Variants in LHPP observed in about 807,000 individuals in gnomAD.
LHPP encodes hLHPP.
LHPP carries 24 observed loss-of-function variants against 30.3 expected under a neutral mutation model. That is an observed-to-expected ratio of 0.79 (90% CI 0.57 to 1.11). LHPP has a LOEUF of 1.11. Among genes scored for constraint, LHPP ranks in the 50% most tolerant of loss-of-function variants. LHPP has a pLI of 0.00. For synonymous variants in LHPP, 150 were observed against 157.1 expected (o/e 0.95, Z 0.34); for missense variants, 356 against 367.2 (o/e 0.97, Z 0.25).
intron 6 of LHPP, among the ~76,000 whole-genome samples, chr10:124,554,957 C>G (rs1485905783): frequency 6.6e-6 from 1 of 152,236 alleles, no homozygotes; most frequent in East Asian, 1.9e-4. Flanking sequence ...AAACACTGCA[C>G]AGACATAATT....
chr10:124,549,298 C>T lies in LHPP; in HGVS notation c.716+32027C>T, dbSNP rs150969691. Among the ~76,000 whole-genome samples, 7 of 152,158 alleles carry T rather than the reference C, an allele frequency of 4.6e-5. No individual in the cohort carries two copies. The East Asian group carries it at 5.8e-4, about 13-fold the overall frequency. ...AAAAAAATAAATTAGCAGGGCATGA[C>T]GGTGTACACCTGTAGCCCCAGCTAC... is the stretch of plus-strand genomic sequence containing the variant. On this transcript the variant is annotated intron_variant, in intron 6 of 6. Coordinates refer to ENST00000368842, the MANE Select transcript of LHPP (RefSeq NM_022126.4).
chr10:124,526,479 C>G (rs1954740224), intron 6 of LHPP, among the ~76,000 whole-genome samples: 1 of 152,220 alleles, frequency 6.6e-6, no homozygotes, highest in South Asian at 2.1e-4. Flanking sequence ...GACTCCAAGG[C>G]CTGTGCCCCT....
At chr10:124,530,235 C>T (rs1364994098) in intron 6 of LHPP, among the ~76,000 whole-genome samples, 1 of 152,180 alleles carries the variant, frequency 6.6e-6, no homozygotes, top group Non-Finnish European at 1.5e-5. Context: ...ACCCCTCCTG[C>T]GTCCCAGCCT....
chr10:124,598,129 G>A (rs954567779), intron 6 of LHPP, among the ~76,000 whole-genome samples: 5 of 152,204 alleles, frequency 3.3e-5, no homozygotes, highest in Admixed American at 2.6e-4. Context: ...CTACCTCCCC[G>A]GCTGCTGTGA....
At chr10:124,471,226 T>C in intron 1 of LHPP, among the ~76,000 whole-genome samples, 1 of 151,086 alleles carries the variant, frequency 6.6e-6, no homozygotes, top group Non-Finnish European at 1.5e-5. Context: ...CCCATCACTC[T>C]TGAATGCCAC....
rs1033970020 is a variant in LHPP, at chr10:124,544,875, C to T, written c.716+27604C>T. Among the ~76,000 whole-genome samples, 7 of 148,584 alleles carry T rather than the reference C, an allele frequency of 4.7e-5. No homozygotes were observed. In the South Asian group the frequency reaches 6.3e-4, roughly 13 times the overall value. ...ACCATCACGTGGAAGGCGATCACAT[C>T]GAGTGTTCTGGCCACTGTGGCGCGA... On this transcript the variant is annotated intron_variant, in intron 6 of 6. Transcript: ENST00000368842.
At chr10:124,536,141 T>G (rs1955020030) in intron 6 of LHPP, among the ~76,000 whole-genome samples, 1 of 152,174 alleles carries the variant, frequency 6.6e-6, no homozygotes, top group South Asian at 2.1e-4. Context: ...TCCCCGGGCT[T>G]TTCCACCCCT....
chr10:124,511,841 A>G (rs1954307455), intron 5 of LHPP, among the ~76,000 whole-genome samples: 1 of 152,178 alleles, frequency 6.6e-6, no homozygotes, highest in African/African-American at 2.4e-5. Flanking sequence ...AATTCACAGC[A>G]TGGCGTGCCC....
At chr10:124,519,238 G>A (rs112853780) in intron 6 of LHPP, among the ~76,000 whole-genome samples, 5 of 152,170 alleles carry the variant, frequency 3.3e-5, no homozygotes, top group African/African-American at 9.7e-5. Context: ...GTGAGCCACC[G>A]CGCCCGGCCC....
At chr10:124,509,323 T>C (rs1487753818) in intron 5 of LHPP, among the ~76,000 whole-genome samples, 1 of 152,228 alleles carries the variant, frequency 6.6e-6, no homozygotes, top group Non-Finnish European at 1.5e-5. Context: ...CCATTTCCTA[T>C]TGATGGAGAT....
rs1420226896 is a variant in LHPP at position 124,523,773 on chromosome 10, A to T, written c.716+6502A>T. 3.3e-5 allele frequency among the ~76,000 whole-genome samples: 5 copies of T among 152,198 alleles called. No homozygotes were observed. The highest frequency in any genetic ancestry group is 7.2e-5 in the African/African-American group (3 of 41,440). On this transcript the variant is annotated intron_variant, in intron 6 of 6. Transcript: ENST00000368842. The surrounding 1 kb of genome is among the most constrained non-coding windows in gnomAD (Gnocchi z 4.2). The stretch of plus-strand genomic sequence containing the variant: ...CCAGCCCCGGTGGAGAGAAAGGGCC[A>T]GTGCTGGGCTTGGGAGCTCACCCCA...
chr10:124,495,628 G>A (rs764396051), intron 3 of LHPP, among the ~76,000 whole-genome samples: 4 of 152,276 alleles, frequency 2.6e-5, no homozygotes, highest in South Asian at 2.1e-4. Flanking sequence ...GGCAGCTCCC[G>A]AGGAGCTCAG....
rs1397135455 is a variant in LHPP at position 124,590,130 on chromosome 10, A to T, written c.717-23134A>T. 6.6e-6 allele frequency among the ~76,000 whole-genome samples: 1 copy of T among 152,092 alleles called. No homozygotes were observed. The highest frequency in any genetic ancestry group is 1.5e-5 in the Non-Finnish European group (1 of 68,018). On this transcript the variant is annotated intron_variant, in intron 6 of 6. Transcript: ENST00000368842. The surrounding 1 kb of genome is among the most constrained non-coding windows in gnomAD (Gnocchi z 4.3). ...TGTGAACAGCTCATTCGATTCGTTC[A>T]TGTGACGTCCTCCCTCTCCCAATCC... is the stretch of plus-strand genomic sequence containing the variant.
rs1412407265 is a variant in LHPP, at chr10:124,510,590, C to T, written c.625-6590C>T. 1.3e-5 allele frequency among the ~76,000 whole-genome samples: 2 copies of T among 152,228 alleles called. No individual in the cohort carries two copies. The highest frequency in any genetic ancestry group is 2.9e-5 in the Non-Finnish European group (2 of 68,050). On this transcript the variant is annotated intron_variant, in intron 5 of 6. Coordinates refer to ENST00000368842, the MANE Select transcript of LHPP (RefSeq NM_022126.4). The surrounding 1 kb of genome is among the most constrained non-coding windows in gnomAD (Gnocchi z 4.0). Reference sequence around the variant, plus strand: ...CACAAATGTTCCAGCCCAGGAAGAACCAAGTCTGTATTCTGGGAGGGAAAC... The same window carrying T: ...CACAAATGTTCCAGCCCAGGAAGAATCAAGTCTGTATTCTGGGAGGGAAAC...
At position 124,528,382 on chromosome 10, in the gene LHPP, G is replaced by A. The variant is rs544039151; in HGVS notation, c.716+11111G>A. ...TTATTATTTTATTTTTTTTTGAAAC[G>A]GAGTCTTGCTCTGTTGCCCAGGCTG... On this transcript the variant is annotated intron_variant, in intron 6 of 6. Coordinates refer to ENST00000368842, the MANE Select transcript of LHPP (RefSeq NM_022126.4). 9.2e-4 allele frequency among the ~76,000 whole-genome samples: 140 copies of A among 151,442 alleles called. 1 individual carries two copies. The highest frequency in any genetic ancestry group is 3.2e-3 in the African/African-American group (130 of 41,264).
chr10:124,529,837 G>A (rs894975925), intron 6 of LHPP, among the ~76,000 whole-genome samples: 1 of 151,154 alleles, frequency 6.6e-6, no homozygotes, highest in Non-Finnish European at 1.5e-5. Context: ...ACACACATGC[G>A]CACATGCACC....
chr10:124,480,251 G>C (rs757441351), intron 1 of LHPP, among the ~76,000 whole-genome samples: 9 of 152,182 alleles, frequency 5.9e-5, no homozygotes, highest in Non-Finnish European at 1.2e-4. Context: ...AACCCAATGG[G>C]AGCGGACTTA....
chr10:124,463,816 TTTTC>T (rs1952474435), intron 1 of LHPP, among the ~76,000 whole-genome samples: 1 of 108,886 alleles, frequency 9.2e-6, no homozygotes, highest in Non-Finnish European at 1.7e-5. Context: ...CCTAATTTTT[TTTTC>T]TTTTTTTTTT....
intron 6 of LHPP, among the ~76,000 whole-genome samples, chr10:124,532,045 C>A (rs1296620386): frequency 2.0e-5 from 3 of 152,234 alleles, no homozygotes; most frequent in Non-Finnish European, 4.4e-5. Flanking sequence ...CGTCTGTTAA[C>A]CGTCATCACT....
Sources: allele counts gnomAD v4.1 joint callset (sites outside exome capture counted in the v4.1 genomes callset), GRCh38; gene constraint gnomAD v4.1.1; non-coding constraint Gnocchi (gnomAD v3.1); transcripts MANE v1.5; gene names NCBI Gene and HGNC (gene_info 2026-07-23, HGNC 2026-07-21).